The following DNAJC24 variants were observed in gnomAD, a reference collection of about 807,000 sequenced individuals.
DNAJC24 encodes the protein dnaJ homolog subfamily C member 24.
DNAJC24 carries 17 observed loss-of-function variants against 18.0 expected under a neutral mutation model. The observed-to-expected ratio is 0.94, with a 90% CI of 0.65 to 1.42. The LOEUF is 1.42. DNAJC24 is among the 40% of genes most tolerant of loss of function. The pLI is 0.00. For synonymous variants in DNAJC24, 55 were observed against 57.7 expected (o/e 0.95, Z 0.21); for missense variants, 158 against 175.6 (o/e 0.90, Z 0.57).
At chr11:31,393,945 G>A (rs1952521564) in intron 2 of DNAJC24, among the ~76,000 whole-genome samples, 1 of 152,096 alleles carries the variant, frequency 6.6e-6, no homozygotes, top group African/African-American at 2.4e-5. Context: ...GAGAGCCTCT[G>A]CTCACAACAG....
intron 2 of DNAJC24, among the ~76,000 whole-genome samples, chr11:31,376,813 G>A (rs1952320016): frequency 6.6e-6 from 1 of 152,058 alleles, no homozygotes; most frequent in East Asian, 1.9e-4. Context: ...ATTATGGAAG[G>A]TCAGACATAA....
chr11:31,405,104 A>C, intron 2 of DNAJC24, among the ~76,000 whole-genome samples: 1 of 139,582 alleles, frequency 7.2e-6, no homozygotes. Flanking sequence ...CAGAGTCTCC[A>C]CTCTGTTGCT....
intron 3 of DNAJC24, among the ~76,000 whole-genome samples, chr11:31,422,471 T>C (rs1449285229): frequency 6.6e-6 from 1 of 152,236 alleles, no homozygotes; most frequent in Non-Finnish European, 1.5e-5. Context: ...AGATTTAATA[T>C]CTTGGATCTG....
chr11:31,399,739 C>CT (rs757871094), intron 2 of DNAJC24, among the ~76,000 whole-genome samples: 2,361 of 97,086 alleles, frequency 0.024, 34 homozygotes, highest in East Asian at 0.054. Flanking sequence ...ACTGTTTTTT[C>CT]TTTTTTTTTT....
intron 2 of DNAJC24, among the ~76,000 whole-genome samples, chr11:31,400,426 C>A (rs1282545699): frequency 6.6e-6 from 1 of 152,132 alleles, no homozygotes; most frequent in Non-Finnish European, 1.5e-5. Flanking sequence ...TCAGGACAAT[C>A]CTAAGCAAAA....
chr11:31,394,242 T>G (rs1233446654), intron 2 of DNAJC24, among the ~76,000 whole-genome samples: 1 of 152,150 alleles, frequency 6.6e-6, no homozygotes, highest in Non-Finnish European at 1.5e-5. Context: ...TGGCACTAAA[T>G]AGACTGTGAA....
At chr11:31,377,287 A>G (rs1952326166) in intron 2 of DNAJC24, among the ~76,000 whole-genome samples, 1 of 152,034 alleles carries the variant, frequency 6.6e-6, no homozygotes, top group Non-Finnish European at 1.5e-5. Flanking sequence ...TCCTTATTTC[A>G]GTTTTTGTAA....
intron 2 of DNAJC24, among the ~76,000 whole-genome samples, chr11:31,389,837 T>C (rs954249409): frequency 6.6e-6 from 1 of 152,130 alleles, no homozygotes; most frequent in Non-Finnish European, 1.5e-5. Flanking sequence ...GGAGTAAAAC[T>C]AGAAATCAAT....
chr11:31,413,500 T>C (rs1952728130), intron 2 of DNAJC24, among the ~76,000 whole-genome samples: 2 of 151,826 alleles, frequency 1.3e-5, no homozygotes, highest in South Asian at 4.2e-4. Flanking sequence ...CTGGCCAATA[T>C]TTTTGTACTT....
intron 2 of DNAJC24, among the ~76,000 whole-genome samples, chr11:31,382,273 G>A (rs980022279): frequency 6.6e-6 from 1 of 152,132 alleles, no homozygotes; most frequent in African/African-American, 2.4e-5. Context: ...GACCTAGGAA[G>A]AATGACTTAC....
At chr11:31,396,799 C>T (rs1591908561) in intron 2 of DNAJC24, among the ~76,000 whole-genome samples, 1 of 152,208 alleles carries the variant, frequency 6.6e-6, no homozygotes, top group Non-Finnish European at 1.5e-5. Flanking sequence ...AAAAAACTCT[C>T]TATGATTTGA....
chr11:31,380,468 C>T (rs1250702556), intron 2 of DNAJC24, among the ~76,000 whole-genome samples: 3 of 152,124 alleles, frequency 2.0e-5, no homozygotes, highest in African/African-American at 4.8e-5. Context: ...TTTTCAGTTA[C>T]GCCAAAATAC....
intron 2 of DNAJC24, among the ~76,000 whole-genome samples, chr11:31,398,338 T>G (rs145349623): frequency 6.6e-6 from 1 of 152,302 alleles, no homozygotes; most frequent in East Asian, 1.9e-4. Flanking sequence ...TCCAGCCTTA[T>G]GCATGTAATC....
chr11:31,402,167 A>G (rs568365606), intron 2 of DNAJC24, among the ~76,000 whole-genome samples: 1 of 152,332 alleles, frequency 6.6e-6, no homozygotes, highest in Admixed American at 6.5e-5. Context: ...TAGGCTACAA[A>G]CCTATACAAT....
chr11:31,420,610 T>A (rs779843787), intron 3 of DNAJC24, among the ~76,000 whole-genome samples: 1 of 152,158 alleles, frequency 6.6e-6, no homozygotes, highest in Non-Finnish European at 1.5e-5. Context: ...AACTGTGATT[T>A]TTATTAAGCA....
Position 31,370,870 on chromosome 11 carries a change from T to C in DNAJC24, c.111+11T>C. 1 of 1,524,896 alleles carries C rather than the reference T, an allele frequency of 6.6e-7. No individual in the cohort carries two copies. 94.5% of individuals were successfully genotyped at this position (1,524,896 alleles called of 1,614,324 possible). A position where few individuals can be genotyped will look rare whatever the true frequency, so the allele number is the denominator to read the frequency against. On this transcript the variant is annotated intron_variant, in intron 2 of 4. Transcript: ENST00000465995. The stretch of plus-strand genomic sequence containing the variant: ...AAACTCATATTAATGGTAAGTCTTT[T>C]CTTTCAGATTTTAAATCATGAGGGG...
intron 2 of DNAJC24, among the ~76,000 whole-genome samples, chr11:31,406,498 C>T (rs549831561): frequency 2.0e-5 from 3 of 152,288 alleles, no homozygotes; most frequent in South Asian, 2.1e-4. Flanking sequence ...AGTTAAAATA[C>T]GGTGTTTATA....
At chr11:31,394,744 G>GA (rs1297742079) in intron 2 of DNAJC24, among the ~76,000 whole-genome samples, 1 of 150,596 alleles carries the variant, frequency 6.6e-6, no homozygotes, top group African/African-American at 2.4e-5. Flanking sequence ...TAAATAAGGA[G>GA]AAAAAAATAA....
At chr11:31,376,205 T>C (rs1952313559) in intron 2 of DNAJC24, among the ~76,000 whole-genome samples, 2 of 152,240 alleles carry the variant, frequency 1.3e-5, no homozygotes, top group African/African-American at 4.8e-5. Context: ...CCTTCTGCCA[T>C]GATTGCGAGG....
Sources: allele counts gnomAD v4.1 joint callset (sites outside exome capture counted in the v4.1 genomes callset), GRCh38; gene constraint gnomAD v4.1.1; transcripts MANE v1.5; gene names NCBI Gene and HGNC (gene_info 2026-07-23, HGNC 2026-07-21).